FASTKD2: variants seen among roughly 807,000 people sequenced by gnomAD.
FASTKD2 encodes the protein FAST kinase domains 2, also known as FAST kinase domain-containing protein 2, mitochondrial.
A neutral mutation model predicts 63.6 loss-of-function variants in FASTKD2; 51 were observed. The ratio of observed to expected loss-of-function variants is 0.80; its 90% CI spans 0.64 to 1.01. FASTKD2 has a LOEUF of 1.01. Ranked by LOEUF, FASTKD2 falls within the 50% of genes least tolerant of loss-of-function variation. The probability of loss-of-function intolerance (pLI) is 0.00; values close to 1 mark genes in which losing one functional copy is unlikely to be tolerated. For synonymous variants in FASTKD2, 284 were observed against 293.4 expected (o/e 0.97, Z 0.33); for missense variants, 786 against 831.1 (o/e 0.95, Z 0.67).
At chr2:206,773,295 A>G (rs1574665460) in intron 6 of FASTKD2, among the ~76,000 whole-genome samples, 1 of 149,498 alleles carries the variant, frequency 6.7e-6, no homozygotes, top group East Asian at 2.0e-4. Flanking sequence ...AGCCTGGGCA[A>G]TAAAGATCAA....
intron 8 of FASTKD2, among the ~76,000 whole-genome samples, chr2:206,787,679 TGAG>T (rs1323498416): frequency 1.3e-5 from 2 of 152,072 alleles, no homozygotes; most frequent in Non-Finnish European, 1.5e-5. Flanking sequence ...ATCCATAAAT[TGAG>T]GAGTTTAGAC....
At chr2:206,776,869 C>T (rs1689837356) in intron 7 of FASTKD2, among the ~76,000 whole-genome samples, 1 of 151,994 alleles carries the variant, frequency 6.6e-6, no homozygotes, top group Admixed American at 6.6e-5. Flanking sequence ...TGCACTGAAT[C>T]CGTAGACTGC....
intron 7 of FASTKD2, among the ~76,000 whole-genome samples, chr2:206,786,208 A>G (rs935227560): frequency 2.0e-5 from 3 of 152,194 alleles, no homozygotes; most frequent in Non-Finnish European, 4.4e-5. Flanking sequence ...TTTGTGCTTA[A>G]CCACGTTATA....
chr2:206,768,425 G>T (rs924174019), intron 2 of FASTKD2, among the ~76,000 whole-genome samples: 1 of 152,208 alleles, frequency 6.6e-6, no homozygotes, highest in African/African-American at 2.4e-5. Context: ...TCTTAGCCAG[G>T]TGTGGTGGCT....
In FASTKD2 at chr2:206,795,499, C is replaced by G. The variant is rs571976177; in HGVS notation, c.*3697C>G. Among the ~76,000 whole-genome samples the G allele has an allele frequency of 2.0e-5, 3 of 152,346 alleles. No homozygotes were observed. The South Asian group carries it at 6.2e-4, about 32-fold the overall frequency. ...TGCCCGCCTTTGGCCTTCCAAAGTG[C>G]TGGGATTATAGGCGTGAGCCACCAC... On this transcript the variant is annotated 3_prime_UTR_variant, in exon 12 of 12. Transcript: ENST00000402774.
At chr2:206,786,534 A>C in intron 7 of FASTKD2, 199 bp from the exon 8 acceptor site, 1 of 575,216 alleles carries the variant, frequency 1.7e-6, no homozygotes. Flanking sequence ...AAAGTCTATA[A>C]AATGTTTGTC....
intron 7 of FASTKD2, among the ~76,000 whole-genome samples, chr2:206,777,965 C>G (rs1184139805): frequency 6.6e-6 from 1 of 152,026 alleles, no homozygotes; most frequent in Admixed American, 6.6e-5. Flanking sequence ...CTCTTATGAG[C>G]CTTTTTTATT....
At chr2:206,775,820 C>T (rs573494505) in intron 7 of FASTKD2, among the ~76,000 whole-genome samples, 2 of 152,042 alleles carry the variant, frequency 1.3e-5, no homozygotes, top group South Asian at 2.1e-4. Flanking sequence ...GTTTTCCATG[C>T]ACCATTTTGT....
intron 7 of FASTKD2, chr2:206,783,354 C>T (rs1237146461): frequency 6.5e-6 from 1 of 153,514 alleles, no homozygotes; most frequent in African/African-American, 2.4e-5. Context: ...CTCTGCTCCT[C>T]AGTTGGTAAG....
At position 206,788,748 on chromosome 2, in the gene FASTKD2, A is replaced by AAT. The variant is rs1690203082; in HGVS notation, c.1814-71_1814-70insAT. The AAT allele has an allele frequency of 1.3e-5, 10 of 771,768 alleles. No homozygotes were observed. The South Asian group carries it at 1.4e-4, about 11-fold the overall frequency. The allele number at this position is 771,768 out of a possible 1,614,324, so 47.8% of individuals were successfully genotyped here. ...CCACATCTCAAAAAAAAAAAAAAAA[A>AAT]GGAAAAGAAAAGAAAAAGAAAGTCA... On this transcript the variant is annotated intron_variant, in intron 9 of 11. Transcript: ENST00000402774.
chr2:206,791,600 A>G, intron 11 of FASTKD2, 83 bp from the exon 12 acceptor site: 1 of 1,302,074 alleles, frequency 7.7e-7, no homozygotes, highest in Non-Finnish European at 1.1e-6. Context: ...TCCTCATGTT[A>G]CTTTACTATG....
Position 206,788,077 on chromosome 2 carries a change from G to A in FASTKD2, c.1735G>A (p.Ala579Thr). Reference protein sequence around the residue: ...LPSSHTNAKVAEVLSSLLGGE... With the variant: ...LPSSHTNAKVTEVLSSLLGGE... ...ATCGTCACATACAAATGCAAAGGTG[G>A]CAGAGGTGCTGAGCAGCCTTCTGGG... is the stretch of plus-strand genomic sequence containing the variant. Residue 579 changes from alanine (A) to threonine (T), a missense_variant, in exon 9 of 12, where the codon GCA (alanine) becomes ACA (threonine). Physicochemically the swap from Ala to Thr is moderately conservative, Grantham distance 58. Transcript: ENST00000402774. 6.2e-7 allele frequency: 1 copy of A among 1,613,828 alleles called. No homozygotes were observed. Among genetic ancestry groups the A allele is most frequent in the Non-Finnish European group, 8.5e-7 (1 of 1,179,854 alleles).
At chr2:206,783,488 T>C (rs1217460902) in intron 7 of FASTKD2, among the ~76,000 whole-genome samples, 1 of 152,080 alleles carries the variant, frequency 6.6e-6, no homozygotes, top group East Asian at 1.9e-4. Context: ...TCCCCTGGCT[T>C]CATTTTCTTC....
At position 206,772,332 on chromosome 2, in the gene FASTKD2, A is replaced by C; in HGVS notation, c.1254+12A>C. 6.2e-7 allele frequency: 1 copy of C among 1,612,556 alleles called. No homozygotes were observed. The highest frequency in any genetic ancestry group is 8.5e-7 in the Non-Finnish European group (1 of 1,178,594). On this transcript the variant is annotated intron_variant, in intron 6 of 11. Transcript: ENST00000402774. ...GGAAGTTCAGAAAAGTGAGTACATT[A>C]ACAATTTAGAATAAGCCTCACAAAC... is the stretch of plus-strand genomic sequence containing the variant.
At position 206,791,974 on chromosome 2, in the gene FASTKD2, A is replaced by T; in HGVS notation, c.*172A>T. The T allele has an allele frequency of 1.6e-6, 1 of 633,114 alleles. No individual in the cohort carries two copies. The highest frequency in any genetic ancestry group is 2.7e-6 in the Non-Finnish European group (1 of 366,700). The allele number at this position is 633,114 out of a possible 1,614,324, so 39.2% of individuals were successfully genotyped here. A position where few individuals can be genotyped will look rare whatever the true frequency, so the allele number is the denominator to read the frequency against. ...GAAATGTTGTTACTGCCATTTAAAA[A>T]TATGCTGAGAAAATTCCAGAAGGGT... On this transcript the variant is annotated 3_prime_UTR_variant, in exon 12 of 12. Transcript: ENST00000402774.
intron 6 of FASTKD2, among the ~76,000 whole-genome samples, chr2:206,773,422 G>C (rs1689742919): frequency 6.6e-6 from 1 of 152,120 alleles, no homozygotes; most frequent in Non-Finnish European, 1.5e-5. Flanking sequence ...AATAAAGATG[G>C]GTGATGTGAC....
At position 206,791,719 on chromosome 2, in the gene FASTKD2, G is replaced by A. The variant is rs1317038253; in HGVS notation, c.2050G>A (p.Asp684Asn). Reference sequence around the variant, plus strand: ...GGAGATGGACAAACTAGAGATGGAAGATGCAGTCACATTTTTGAAGACTAA... The same window carrying A: ...GGAGATGGACAAACTAGAGATGGAAAATGCAGTCACATTTTTGAAGACTAA... ...NWEMDKLEMEDAVTFLKTKIY... is the reference protein window; with the variant it reads ...NWEMDKLEMENAVTFLKTKIY... Residue 684 changes from aspartate to asparagine, a missense_variant, in exon 12 of 12, where the codon GAT becomes AAT. Transcript: ENST00000402774. 5 of 1,611,978 alleles carry A rather than the reference G, an allele frequency of 3.1e-6. No homozygotes were observed. In the South Asian group the frequency reaches 3.3e-5, roughly 11 times the overall value.
At position 206,795,683 on chromosome 2, in the gene FASTKD2, A is replaced by G. The variant is rs1295595297; in HGVS notation, c.*3881A>G. ...ATGTGACTTAGCTTCCTCTATGCAG[A>G]TGTACCTACTTGAAACTGGGAAGGC... is the stretch of plus-strand genomic sequence containing the variant. On this transcript the variant is annotated 3_prime_UTR_variant, in exon 12 of 12. Coordinates refer to ENST00000402774, the MANE Select transcript of FASTKD2 (RefSeq NM_001136193.2). 1.3e-5 allele frequency among the ~76,000 whole-genome samples: 2 copies of G among 152,198 alleles called. No individual in the cohort carries two copies. Among genetic ancestry groups the G allele is most frequent in the African/African-American group, 4.8e-5 (2 of 41,460 alleles).
intron 7 of FASTKD2, among the ~76,000 whole-genome samples, chr2:206,784,054 C>T (rs958683772): frequency 6.6e-6 from 1 of 152,178 alleles, no homozygotes; most frequent in African/African-American, 2.4e-5. Context: ...CCTCCCACCT[C>T]AACATTTCTC....
Sources: allele counts gnomAD v4.1 joint callset (sites outside exome capture counted in the v4.1 genomes callset), GRCh38; gene constraint gnomAD v4.1.1; transcripts MANE v1.5; gene names NCBI Gene and HGNC (gene_info 2026-07-23, HGNC 2026-07-21).